Variants in GRIK3 observed in about 807,000 individuals in gnomAD.
GRIK3 encodes the protein glutamate receptor ionotropic, kainate 3.
Under a neutral mutation model 102.5 loss-of-function variants are expected in GRIK3, and 29 were observed. The ratio of observed to expected loss-of-function variants is 0.28; its 90% confidence interval spans 0.21 to 0.39. GRIK3 has a LOEUF of 0.39. Among genes scored for constraint, GRIK3 ranks in the 10% least tolerant of loss-of-function variants. The probability of loss-of-function intolerance (pLI) is 1.00; values close to 1 mark genes in which losing one functional copy is unlikely to be tolerated. For synonymous variants in GRIK3, 511 were observed against 504.9 expected, an observed-to-expected ratio of 1.01 and a Z score of -0.16; for missense variants, 908 against 1,252.4, an observed-to-expected ratio of 0.73 and a Z score of 4.15.
chr1:37,015,787 G>T (rs1214971739), intron 1 of GRIK3, among the ~76,000 whole-genome samples: 1 of 152,246 alleles, frequency 6.6e-6, no homozygotes, highest in African/African-American at 2.4e-5. Context: ...GAAGGGGCTT[G>T]TGTCTGTGTG....
At chr1:37,027,125 A>C (rs1642772761) in intron 1 of GRIK3, among the ~76,000 whole-genome samples, 1 of 152,000 alleles carries the variant, frequency 6.6e-6, no homozygotes, top group African/African-American at 2.4e-5. Flanking sequence ...ACAAGGCATA[A>C]AGGTCAAAGG....
Position 36,806,043 on chromosome 1 carries a change from G to T in GRIK3, c.2314+61C>A, listed in dbSNP as rs560046337. 2 of 1,111,364 alleles carry T rather than the reference G, an allele frequency of 1.8e-6. No homozygotes were observed. Among genetic ancestry groups the T allele is most frequent in the African/African-American group, 1.5e-5 (1 of 65,158 alleles). The allele number at this position is 1,111,364 out of a possible 1,614,324, so 68.8% of individuals were successfully genotyped here. A position where few individuals can be genotyped will look rare whatever the true frequency, so the allele number is the denominator to read the frequency against. On this transcript the variant is annotated intron_variant, in intron 14 of 15. Coordinates refer to ENST00000373091, the MANE Select transcript of GRIK3 (RefSeq NM_000831.4). This position sits in a 1 kb window ranked among gnomAD's most constrained non-coding sequence, Gnocchi z 4.0. Reference sequence around the variant, plus strand: ...TGTGAGACGGAGTGTGAGGGGACGCGGGGGTGGAGCCCTCCCTCTGCCCAC... The same window carrying T: ...TGTGAGACGGAGTGTGAGGGGACGCTGGGGTGGAGCCCTCCCTCTGCCCAC...
intron 10 of GRIK3, among the ~76,000 whole-genome samples, chr1:36,839,737 T>C (rs1276974901): frequency 6.6e-6 from 1 of 152,174 alleles, no homozygotes; most frequent in African/African-American, 2.4e-5. Flanking sequence ...GCGGAAGAGT[T>C]TGAATCAAAC....
intron 1 of GRIK3, among the ~76,000 whole-genome samples, chr1:37,027,916 T>C (rs1221551457): frequency 2.0e-5 from 3 of 152,100 alleles, no homozygotes; most frequent in Non-Finnish European, 2.9e-5. Flanking sequence ...AATGGTGGAT[T>C]AGGAAGACTC....
At chr1:36,937,268 C>T (rs144894119) in intron 1 of GRIK3, among the ~76,000 whole-genome samples, 3 of 152,184 alleles carry the variant, frequency 2.0e-5, no homozygotes, top group East Asian at 1.9e-4. Context: ...GCCACGCCCT[C>T]GAGTGAACAA....
intron 13 of GRIK3, among the ~76,000 whole-genome samples, chr1:36,811,031 G>T (rs1247585349): frequency 6.6e-6 from 1 of 152,212 alleles, no homozygotes; most frequent in Non-Finnish European, 1.5e-5. Flanking sequence ...ACAAGCAAGT[G>T]ACATCACCTC....
At chr1:36,917,496 G>A (rs895421426) in intron 1 of GRIK3, among the ~76,000 whole-genome samples, 1 of 152,180 alleles carries the variant, frequency 6.6e-6, no homozygotes, top group Non-Finnish European at 1.5e-5. Flanking sequence ...GAATTCCCAC[G>A]TGTTGTGGGA....
At chr1:36,813,368 A>G (rs768743761) in intron 13 of GRIK3, among the ~76,000 whole-genome samples, 3 of 152,228 alleles carry the variant, frequency 2.0e-5, no homozygotes, top group Non-Finnish European at 2.9e-5. Flanking sequence ...GACTTTGCCA[A>G]TGTCTCCTAG....
At chr1:36,988,808 T>A (rs191449466) in intron 1 of GRIK3, among the ~76,000 whole-genome samples, 373 of 152,050 alleles carry the variant, frequency 2.5e-3, no homozygotes, top group Middle Eastern at 6.8e-3. Context: ...GACAAGAGAG[T>A]CCTTGACAAC....
intron 1 of GRIK3, among the ~76,000 whole-genome samples, chr1:36,974,896 A>C (rs1642179855): frequency 6.6e-6 from 1 of 152,206 alleles, no homozygotes; most frequent in South Asian, 2.1e-4. Flanking sequence ...GCAAAACACG[A>C]AAAGACAAAT....
At chr1:37,005,294 C>A (rs539920687) in intron 1 of GRIK3, among the ~76,000 whole-genome samples, 5 of 152,338 alleles carry the variant, frequency 3.3e-5, no homozygotes, top group African/African-American at 1.2e-4. Flanking sequence ...TCTCTGTCCC[C>A]ACCTTGCAGC....
chr1:36,989,962 C>T (rs1349356790), intron 1 of GRIK3, among the ~76,000 whole-genome samples: 2 of 152,158 alleles, frequency 1.3e-5, no homozygotes, highest in South Asian at 2.1e-4. Context: ...ATTATTCTTA[C>T]GCTTGATTCG....
chr1:36,813,946 T>C (rs896525229), intron 13 of GRIK3, among the ~76,000 whole-genome samples: 4 of 152,088 alleles, frequency 2.6e-5, no homozygotes, highest in Non-Finnish European at 5.9e-5. Flanking sequence ...TAATTGACCA[T>C]AGGGACAGGA....
intron 13 of GRIK3, 75 bp downstream of exon 13, chr1:36,816,985 C>CT (rs1235049559): frequency 1.4e-5 from 14 of 1,029,430 alleles, no homozygotes; most frequent in Non-Finnish European, 2.1e-5. Flanking sequence ...CAGAGACCCC[C>CT]TTTCCTCTTC....
At chr1:36,991,350 G>T (rs546655363) in intron 1 of GRIK3, among the ~76,000 whole-genome samples, 2 of 152,324 alleles carry the variant, frequency 1.3e-5, no homozygotes, top group Admixed American at 6.5e-5. Flanking sequence ...AGGGGCCACA[G>T]ACACCATCTT....
chr1:36,835,598 T>C (rs1163315479), intron 10 of GRIK3, among the ~76,000 whole-genome samples: 1 of 152,178 alleles, frequency 6.6e-6, no homozygotes, highest in Non-Finnish European at 1.5e-5. Flanking sequence ...AGTAATGGCA[T>C]AATCCCCTGC....
intron 10 of GRIK3, among the ~76,000 whole-genome samples, chr1:36,838,693 A>G (rs1292158699): frequency 1.3e-5 from 2 of 152,162 alleles, no homozygotes; most frequent in African/African-American, 4.8e-5. Context: ...GGGGGTGGAC[A>G]CTTACAAAGG....
intron 9 of GRIK3, among the ~76,000 whole-genome samples, chr1:36,847,486 G>A (rs1640532432): frequency 1.3e-5 from 2 of 152,242 alleles, no homozygotes; most frequent in Non-Finnish European, 2.9e-5. Flanking sequence ...CTTTGGTGAA[G>A]TTCAGGGCTC....
chr1:36,796,239 T>G lies in GRIK3; in HGVS notation c.*5612A>C, dbSNP rs1642363584. The G allele has an allele frequency of 2.0e-5, 3 of 152,316 alleles. No homozygotes were observed. The South Asian group carries it at 6.2e-4, about 31-fold the overall frequency. The allele number at this position is 152,316 out of a possible 1,614,324, so 9.4% of individuals were successfully genotyped here. A position where few individuals can be genotyped will look rare whatever the true frequency, so the allele number is the denominator to read the frequency against. On this transcript the variant is annotated 3_prime_UTR_variant, in exon 16 of 16. Coordinates refer to ENST00000373091, the MANE Select transcript of GRIK3 (RefSeq NM_000831.4). ...AATGGAACTGCAGAGAACAGACCGA[T>G]CTGGGTGAGCCAGGGACAGAGATCT...
Sources: gnomAD v4.1 joint callset for allele counts (sites outside exome capture counted in the v4.1 genomes callset) on GRCh38, gnomAD v4.1.1 for gene constraint, Gnocchi (gnomAD v3.1) non-coding constraint, MANE v1.5 for transcripts, NCBI Gene and HGNC (gene_info 2026-07-23, HGNC 2026-07-21) for gene names.